Variants in SPATA6 observed in about 807,000 individuals in gnomAD.
SPATA6 encodes the protein spermatogenesis-associated protein 6.
SPATA6 carries 56 observed loss-of-function variants against 65.3 expected under a neutral mutation model. The ratio of observed to expected loss-of-function variants is 0.86; its 90% CI spans 0.69 to 1.07. The LOEUF (loss-of-function observed/expected upper bound fraction) is 1.07. Among genes scored for constraint, SPATA6 ranks in the 50% least tolerant of loss-of-function variants. The pLI, the probability that SPATA6 is intolerant of heterozygous loss-of-function variation, is 0.00. For missense variants in SPATA6, 590 were observed against 594.8 expected (o/e 0.99, Z 0.08); for synonymous variants, 199 against 213.2 (o/e 0.93, Z 0.58).
intron 9 of SPATA6, among the ~76,000 whole-genome samples, chr1:48,381,172 G>C (rs1314568131): frequency 6.6e-6 from 1 of 152,110 alleles, no homozygotes; most frequent in African/African-American, 2.4e-5. Flanking sequence ...GTGTGGCCCA[G>C]TTCCTAACAG....
intron 11 of SPATA6, among the ~76,000 whole-genome samples, chr1:48,311,758 A>G (rs945044616): frequency 1.3e-5 from 2 of 152,210 alleles, no homozygotes; most frequent in Non-Finnish European, 2.9e-5. Flanking sequence ...CGTGAGCCGA[A>G]GCAGGGCAAG....
At chr1:48,377,598 G>A (rs890362745) in intron 9 of SPATA6, among the ~76,000 whole-genome samples, 2 of 152,118 alleles carry the variant, frequency 1.3e-5, no homozygotes, top group Admixed American at 1.3e-4. Context: ...ACAGTTCCAA[G>A]TACATATGAA....
chr1:48,437,915 C>T (rs1335334071), intron 3 of SPATA6, among the ~76,000 whole-genome samples: 1 of 150,942 alleles, frequency 6.6e-6, no homozygotes, highest in Non-Finnish European at 1.5e-5. Context: ...AAAAAACACA[C>T]CAATCAGCGC....
chr1:48,389,574 G>A (rs1376873877), intron 8 of SPATA6, among the ~76,000 whole-genome samples: 1 of 151,960 alleles, frequency 6.6e-6, no homozygotes. Context: ...TAGACTAACA[G>A]CAGATTCCTA....
intron 1 of SPATA6, 66 bp downstream of exon 1, chr1:48,471,892 T>C (rs1321759997): frequency 1.3e-6 from 2 of 1,577,420 alleles, no homozygotes; most frequent in Admixed American, 1.7e-5. Flanking sequence ...GGTTCCGGGC[T>C]CTCGGAGGTG....
the SPATA6 span, among the ~76,000 whole-genome samples, chr1:48,267,554 C>T: frequency 6.6e-6 from 1 of 151,946 alleles, no homozygotes; most frequent in Non-Finnish European, 1.5e-5. Flanking sequence ...AAGTTGGCCG[C>T]CCAGCAGCTG....
downstream of SPATA6, among the ~76,000 whole-genome samples, chr1:48,291,472 T>A (rs374986379): frequency 1.2e-3 from 187 of 151,572 alleles, no homozygotes; most frequent in Admixed American, 7.0e-3. Context: ...AATATGGCTA[T>A]CTCTGCTGCA....
chr1:48,395,485 G>T, intron 7 of SPATA6, 131 bp from the exon 8 acceptor site: 1 of 454,390 alleles, frequency 2.2e-6, no homozygotes, highest in Non-Finnish European at 3.6e-6. Flanking sequence ...GCCCATGAGA[G>T]TCAGACATGT....
At chr1:48,327,794 T>C (rs181903991) in intron 11 of SPATA6, among the ~76,000 whole-genome samples, 20 of 152,182 alleles carry the variant, frequency 1.3e-4, no homozygotes, top group Admixed American at 1.0e-3. Context: ...ATGAAAAGAA[T>C]AGACATTGGA....
chr1:48,432,446 C>CA (rs1039390426), intron 3 of SPATA6, among the ~76,000 whole-genome samples: 24 of 149,660 alleles, frequency 1.6e-4, no homozygotes, highest in African/African-American at 4.7e-4. Flanking sequence ...AAAACGAAAC[C>CA]AAAAAAAAAT....
intron 3 of SPATA6, among the ~76,000 whole-genome samples, chr1:48,441,995 G>A (rs1655530970): frequency 6.6e-6 from 1 of 152,172 alleles, no homozygotes; most frequent in Non-Finnish European, 1.5e-5. Flanking sequence ...TTCTCCCAGA[G>A]GATGGGGAAC....
At chr1:48,368,901 T>C (rs1286840138) in intron 9 of SPATA6, among the ~76,000 whole-genome samples, 2 of 152,248 alleles carry the variant, frequency 1.3e-5, no homozygotes, top group Non-Finnish European at 2.9e-5. Context: ...TTTTCTGCTC[T>C]GTTTTTTCCC....
chr1:48,373,377 C>A (rs1190996284), intron 9 of SPATA6, among the ~76,000 whole-genome samples: 4 of 152,246 alleles, frequency 2.6e-5, no homozygotes, highest in African/African-American at 9.6e-5. Flanking sequence ...CTTCTCATCT[C>A]CATCTGAGAC....
intron 9 of SPATA6, among the ~76,000 whole-genome samples, chr1:48,367,489 G>T (rs962370757): frequency 1.3e-5 from 2 of 152,152 alleles, no homozygotes; most frequent in Non-Finnish European, 2.9e-5. Context: ...CCTGTATTTG[G>T]TGCATATATA....
chr1:48,284,427 C>A, the SPATA6 span, among the ~76,000 whole-genome samples: 1 of 152,280 alleles, frequency 6.6e-6, no homozygotes, highest in Admixed American at 6.5e-5. Flanking sequence ...AAGCCTACTT[C>A]TGTTAATTCA....
chr1:48,381,767 T>C (rs1275861913), intron 9 of SPATA6, among the ~76,000 whole-genome samples: 1 of 148,054 alleles, frequency 6.8e-6, no homozygotes, highest in Non-Finnish European at 1.5e-5. Context: ...AGCAGGGTCA[T>C]AGGACAATAG....
chr1:48,338,689 AG>A (rs1047941990), intron 11 of SPATA6, among the ~76,000 whole-genome samples: 2 of 152,078 alleles, frequency 1.3e-5, no homozygotes, highest in African/African-American at 4.8e-5. Flanking sequence ...AATTGAAAAC[AG>A]GAAAGGCCTC....
At chr1:48,405,875 G>A (rs964872516) in intron 5 of SPATA6, among the ~76,000 whole-genome samples, 105 of 152,106 alleles carry the variant, frequency 6.9e-4, no homozygotes, top group African/African-American at 2.4e-3. Flanking sequence ...CCTCTCACAT[G>A]CAAAATACAT....
chr1:48,282,959 T>G, the SPATA6 span, among the ~76,000 whole-genome samples: 2 of 151,906 alleles, frequency 1.3e-5, no homozygotes, highest in Non-Finnish European at 2.9e-5. Flanking sequence ...ATAGACTGGA[T>G]TAAGAAAATG....
Sources: gnomAD v4.1 joint callset for allele counts (sites outside exome capture counted in the v4.1 genomes callset) on GRCh38, gnomAD v4.1.1 for gene constraint, MANE v1.5 for transcripts, NCBI Gene and HGNC (gene_info 2026-07-23, HGNC 2026-07-21) for gene names.